RORA: variants seen among roughly 807,000 people sequenced by gnomAD.
RORA encodes nuclear receptor ROR-alpha.
Under a neutral mutation model 69.5 loss-of-function variants are expected in RORA, and 7 were observed. The observed-to-expected ratio is 0.10, with a 90% CI of 0.06 to 0.19. The LOEUF (loss-of-function observed/expected upper bound fraction) is 0.19. Ranked by LOEUF, RORA falls within the 10% of genes least tolerant of loss-of-function variation. The pLI is 1.00. For synonymous variants in RORA, 261 were observed against 240.8 expected (o/e 1.08, Z -0.78); for missense variants, 457 against 663.0 (o/e 0.69, Z 3.41).
chr15:60,628,912 A>G (rs1215157687), intron 2 of RORA, among the ~76,000 whole-genome samples: 3 of 152,174 alleles, frequency 2.0e-5, no homozygotes, highest in Non-Finnish European at 4.4e-5. Flanking sequence ...GGTGTCTGGA[A>G]AGGGGGTGGG....
chr15:60,896,659 C>A (rs1201830628), intron 1 of RORA, among the ~76,000 whole-genome samples: 1 of 151,930 alleles, frequency 6.6e-6, no homozygotes, highest in Non-Finnish European at 1.5e-5. Flanking sequence ...CCAGAAATAC[C>A]CTTTTAATAT....
intron 2 of RORA, among the ~76,000 whole-genome samples, chr15:60,671,464 A>G (rs1314496019): frequency 1.3e-5 from 2 of 152,046 alleles, no homozygotes; most frequent in Non-Finnish European, 2.9e-5. Context: ...TGTTAAAAAG[A>G]TAAGTAATGG....
At chr15:60,623,062 T>A (rs540521407) in intron 2 of RORA, among the ~76,000 whole-genome samples, 3 of 152,220 alleles carry the variant, frequency 2.0e-5, no homozygotes, top group Non-Finnish European at 4.4e-5. Flanking sequence ...AGTGAGACCC[T>A]GGAAACCCTG....
intron 1 of RORA, among the ~76,000 whole-genome samples, chr15:60,862,500 T>C (rs571471272): frequency 3.3e-5 from 5 of 152,310 alleles, no homozygotes; most frequent in Admixed American, 1.3e-4. Flanking sequence ...ATCAAGGCAC[T>C]GATGGAGGGC....
intron 1 of RORA, among the ~76,000 whole-genome samples, chr15:61,136,936 T>C (rs1031261340): frequency 6.6e-6 from 1 of 151,560 alleles, no homozygotes; most frequent in Admixed American, 6.6e-5. Flanking sequence ...TCTTTTGGCA[T>C]CCACTCATTC....
chr15:61,092,048 A>G (rs2078715655), intron 1 of RORA, among the ~76,000 whole-genome samples: 1 of 152,242 alleles, frequency 6.6e-6, no homozygotes, highest in Admixed American at 6.5e-5. Context: ...AAGTTGGTCT[A>G]TGCAATAATG....
intron 1 of RORA, among the ~76,000 whole-genome samples, chr15:60,916,606 T>C (rs1891879291): frequency 8.8e-6 from 1 of 113,598 alleles, no homozygotes; most frequent in Admixed American, 8.5e-5. Context: ...ATCATTAGAA[T>C]TGCCTGGATA....
intron 2 of RORA, among the ~76,000 whole-genome samples, chr15:60,548,144 T>G (rs1309841206): frequency 6.6e-6 from 1 of 152,194 alleles, no homozygotes; most frequent in South Asian, 2.1e-4. Context: ...GAAAATTATA[T>G]GAGAAGAAGT....
At position 60,866,851 on chromosome 15, in the gene RORA, T is replaced by TCTATCTATCTATCTATCTATCTATCTAC. The variant is rs1236953620; in HGVS notation, c.167-188166_167-188165insGTAGATAGATAGATAGATAGATAGATAG. 5.5e-5 allele frequency among the ~76,000 whole-genome samples: 8 copies of TCTATCTATCTATCTATCTATCTATCTAC among 145,686 alleles called. No individual in the cohort carries two copies. The East Asian group carries it at 7.8e-4, about 14-fold the overall frequency. On this transcript the variant is annotated intron_variant, in intron 1 of 10. Coordinates refer to ENST00000335670, the MANE Select transcript of RORA (RefSeq NM_134261.3). ...ATCTATCTATCTATCTATCTATCTATCTACCTACCTACCTATCTACCTATC... is the reference window on the plus strand; with the variant it reads ...ATCTATCTATCTATCTATCTATCTATCTATCTATCTATCTATCTATCTATCTACCTACCTACCTACCTATCTACCTATC...
intron 1 of RORA, among the ~76,000 whole-genome samples, chr15:60,833,634 A>G (rs1187488571): frequency 1.3e-5 from 2 of 152,064 alleles, no homozygotes; most frequent in Non-Finnish European, 2.9e-5. Context: ...AATCTCCTTT[A>G]CCGTTTTTTG....
At chr15:61,202,461 G>A (rs895300131) in intron 1 of RORA, among the ~76,000 whole-genome samples, 1 of 152,140 alleles carries the variant, frequency 6.6e-6, no homozygotes, top group Non-Finnish European at 1.5e-5. Flanking sequence ...GTGGAACACA[G>A]AGGCTAGAAT....
At chr15:61,126,979 T>C (rs1338480584) in intron 1 of RORA, among the ~76,000 whole-genome samples, 6 of 152,250 alleles carry the variant, frequency 3.9e-5, no homozygotes, top group Non-Finnish European at 5.9e-5. Flanking sequence ...AGGTATTGTA[T>C]AATTTCATTT....
intron 1 of RORA, among the ~76,000 whole-genome samples, chr15:61,169,939 C>T (rs2079571230): frequency 6.6e-6 from 1 of 152,132 alleles, no homozygotes; most frequent in South Asian, 2.1e-4. Flanking sequence ...AGAAGGCAGT[C>T]CTCACTCTGC....
At position 61,109,248 on chromosome 15, in the gene RORA, G is replaced by A. The variant is rs147955752; in HGVS notation, c.166+119805C>T. Among the ~76,000 whole-genome samples the A allele has an allele frequency of 1.6e-4, 25 of 152,252 alleles. No homozygotes were observed. The East Asian group carries it at 4.2e-3, about 26-fold the overall frequency. On this transcript the variant is annotated intron_variant, in intron 1 of 10. Coordinates refer to ENST00000335670, the MANE Select transcript of RORA (RefSeq NM_134261.3). ...ATAAGCACTGTGCTAAGCATGTTACGTGTATTGTCATGTGAGCAAGATGTA... is the reference window on the plus strand; with the variant it reads ...ATAAGCACTGTGCTAAGCATGTTACATGTATTGTCATGTGAGCAAGATGTA...
At chr15:61,109,284 G>A (rs2078980661) in intron 1 of RORA, among the ~76,000 whole-genome samples, 1 of 152,204 alleles carries the variant, frequency 6.6e-6, no homozygotes, top group South Asian at 2.1e-4. Context: ...AGATACACAA[G>A]GGTAGGGTTT....
intron 1 of RORA, among the ~76,000 whole-genome samples, chr15:60,983,094 A>T (rs1894095814): frequency 6.6e-6 from 1 of 152,112 alleles, no homozygotes; most frequent in African/African-American, 2.4e-5. Context: ...CAACCAACTG[A>T]ATGGCCCCTC....
intron 1 of RORA, among the ~76,000 whole-genome samples, chr15:60,855,186 C>T (rs772824166): frequency 1.3e-5 from 2 of 152,192 alleles, no homozygotes; most frequent in African/African-American, 2.4e-5. Flanking sequence ...GAAATCTGTA[C>T]TTTAAAGTTT....
chr15:60,934,477 T>C (rs910488426), intron 1 of RORA, among the ~76,000 whole-genome samples: 1 of 151,384 alleles, frequency 6.6e-6, no homozygotes, highest in African/African-American at 2.4e-5. Flanking sequence ...TTTGTTGTTG[T>C]TGTTGTTGTT....
intron 2 of RORA, among the ~76,000 whole-genome samples, chr15:60,647,553 G>A (rs2070069331): frequency 6.6e-6 from 1 of 152,178 alleles, no homozygotes; most frequent in Non-Finnish European, 1.5e-5. Flanking sequence ...AGGAGGTGAG[G>A]GAAAGACAGA....
Sources: allele counts gnomAD v4.1 joint callset (sites outside exome capture counted in the v4.1 genomes callset), GRCh38; gene constraint gnomAD v4.1.1; transcripts MANE v1.5; gene names NCBI Gene and HGNC (gene_info 2026-07-23, HGNC 2026-07-21).